KATNIP: variants seen among roughly 807,000 people sequenced by gnomAD.
KATNIP encodes the protein katanin interacting protein.
KATNIP carries 126 observed loss-of-function variants against 174.0 expected under a neutral mutation model. The observed-to-expected ratio is 0.72, with a 90% CI of 0.63 to 0.84. The LOEUF is 0.84. Ranked by LOEUF, KATNIP falls within the 40% of genes least tolerant of loss-of-function variation. KATNIP has a pLI of 0.00. For missense variants in KATNIP, 1,958 were observed against 2,109.7 expected (o/e 0.93, Z 1.41); for synonymous variants, 810 against 835.7 (o/e 0.97, Z 0.53).
At chr16:27,617,235 G>T (rs1596946471) in intron 2 of KATNIP, among the ~76,000 whole-genome samples, 1 of 152,118 alleles carries the variant, frequency 6.6e-6, no homozygotes, top group African/African-American at 2.4e-5. Flanking sequence ...ACTTCTTTAG[G>T]CATAGGTGAA....
chr16:27,641,510 C>G (rs2076797459), intron 5 of KATNIP, among the ~76,000 whole-genome samples: 1 of 152,024 alleles, frequency 6.6e-6, no homozygotes, highest in Non-Finnish European at 1.5e-5. Flanking sequence ...GGACTCAGTG[C>G]CATGTGAACC....
At chr16:27,680,471 A>G (rs2078291456) in intron 7 of KATNIP, among the ~76,000 whole-genome samples, 2 of 152,202 alleles carry the variant, frequency 1.3e-5, no homozygotes, top group Admixed American at 6.5e-5. Flanking sequence ...TTCGAGTGAT[A>G]CTGGGGCATA....
Position 27,740,032 on chromosome 16 carries a change from T to C in KATNIP, c.1744-9T>C. 2 of 1,602,874 alleles carry C rather than the reference T, an allele frequency of 1.2e-6. No homozygotes were observed. Among genetic ancestry groups the C allele is most frequent in the Non-Finnish European group, 8.5e-7 (1 of 1,173,242 alleles). ...TGCATCTTCACTTTGTTAAATCTTA[T>C]GGTTTCAGGATCTTGACATTGGTGC... On this transcript the variant is annotated splice_polypyrimidine_tract_variant and intron_variant, in intron 14 of 27. Coordinates refer to ENST00000261588, the MANE Select transcript of KATNIP (RefSeq NM_015202.5).
chr16:27,598,947 C>T (rs1345899566), intron 2 of KATNIP, among the ~76,000 whole-genome samples: 1 of 152,158 alleles, frequency 6.6e-6, no homozygotes, highest in Non-Finnish European at 1.5e-5. Context: ...GTCTTTGCAC[C>T]TTTGCCATTA....
chr16:27,743,373 A>G (rs942110707), intron 15 of KATNIP, among the ~76,000 whole-genome samples: 4 of 152,140 alleles, frequency 2.6e-5, no homozygotes, highest in Admixed American at 2.6e-4. Flanking sequence ...CATGTCACTT[A>G]GGGTACAGGA....
chr16:27,759,616 T>A (rs1330047792), intron 18 of KATNIP, among the ~76,000 whole-genome samples: 1 of 152,170 alleles, frequency 6.6e-6, no homozygotes, highest in Non-Finnish European at 1.5e-5. Context: ...ACCTAGGACA[T>A]CTTCACCCAC....
At chr16:27,725,284 T>C (rs574248077) in intron 14 of KATNIP, among the ~76,000 whole-genome samples, 5 of 152,334 alleles carry the variant, frequency 3.3e-5, no homozygotes, top group South Asian at 2.1e-4. Context: ...TCCCATCTTA[T>C]AGACGAAGAA....
At chr16:27,611,558 T>TA (rs2075892708) in intron 2 of KATNIP, among the ~76,000 whole-genome samples, 1 of 152,246 alleles carries the variant, frequency 6.6e-6, no homozygotes, top group African/African-American at 2.4e-5. Context: ...GGCGAAACTC[T>TA]GTCTCCTTCC....
At chr16:27,552,474 A>G (rs2089425168) in intron 1 of KATNIP, among the ~76,000 whole-genome samples, 1 of 150,668 alleles carries the variant, frequency 6.6e-6, no homozygotes, top group South Asian at 2.1e-4. Flanking sequence ...TGCTGGGTTC[A>G]AGCGATTCTC....
At chr16:27,741,934 C>G (rs772529353) in intron 15 of KATNIP, among the ~76,000 whole-genome samples, 2 of 151,896 alleles carry the variant, frequency 1.3e-5, no homozygotes, top group Non-Finnish European at 2.9e-5. Flanking sequence ...GCCACTGTAC[C>G]AGACCTCCTC....
At chr16:27,604,155 G>A (rs2075626275) in intron 2 of KATNIP, among the ~76,000 whole-genome samples, 1 of 152,076 alleles carries the variant, frequency 6.6e-6, no homozygotes, top group Non-Finnish European at 1.5e-5. Context: ...CTGGAGTAGA[G>A]TGGTGCAGTC....
intron 24 of KATNIP, among the ~76,000 whole-genome samples, chr16:27,775,372 T>C (rs2082459710): frequency 6.6e-6 from 1 of 152,236 alleles, no homozygotes; most frequent in South Asian, 2.1e-4. Flanking sequence ...TTGGGCGTCC[T>C]GGGTCCCTGC....
At position 27,779,194 on chromosome 16, in the gene KATNIP, GGGTCC is replaced by G. The variant is rs2082610285; in HGVS notation, c.*566_*570del. 1 of 152,552 alleles carries G rather than the reference GGGTCC, an allele frequency of 6.6e-6. No homozygotes were observed. Among genetic ancestry groups the G allele is most frequent in the African/African-American group, 2.4e-5 (1 of 41,454 alleles). 9.4% of individuals were successfully genotyped at this position (152,552 alleles called of 1,614,324 possible). ...GGTTGGGGTAGTTTCCTGGTTACAGGGGTCCACAAGACCCTCTCTCATCCCGGTAT... is the reference window on the plus strand; with the variant it reads ...GGTTGGGGTAGTTTCCTGGTTACAGGACAAGACCCTCTCTCATCCCGGTAT... On this transcript the variant is annotated 3_prime_UTR_variant, in exon 28 of 28. Coordinates refer to ENST00000261588, the MANE Select transcript of KATNIP (RefSeq NM_015202.5).
intron 1 of KATNIP, among the ~76,000 whole-genome samples, chr16:27,556,368 A>G (rs941411410): frequency 8.5e-5 from 13 of 152,204 alleles, no homozygotes; most frequent in Non-Finnish European, 1.8e-4. Flanking sequence ...CCTTTCTGTT[A>G]AAGTTGAATT....
intron 2 of KATNIP, among the ~76,000 whole-genome samples, chr16:27,583,092 C>A (rs776540983): frequency 3.9e-5 from 6 of 152,130 alleles, no homozygotes; most frequent in Non-Finnish European, 8.8e-5. Flanking sequence ...AACAACAGGG[C>A]CAAGACTCCA....
At chr16:27,764,364 A>G (rs2082057970) in intron 19 of KATNIP, among the ~76,000 whole-genome samples, 1 of 152,214 alleles carries the variant, frequency 6.6e-6, no homozygotes, top group African/African-American at 2.4e-5. Flanking sequence ...AATTCTTTGC[A>G]GTGTTTATCC....
chr16:27,691,623 CAT>C (rs1467790006), intron 8 of KATNIP, among the ~76,000 whole-genome samples: 1 of 152,202 alleles, frequency 6.6e-6, no homozygotes, highest in Non-Finnish European at 1.5e-5. Context: ...ACTGGGGCGC[CAT>C]GTAGGACGGT....
chr16:27,768,344 G>A (rs920914739), intron 20 of KATNIP, among the ~76,000 whole-genome samples: 3 of 152,168 alleles, frequency 2.0e-5, no homozygotes, highest in South Asian at 2.1e-4. Context: ...AGGTCACCTC[G>A]AAGGGAATGA....
intron 5 of KATNIP, among the ~76,000 whole-genome samples, chr16:27,641,511 C>CA (rs367900348): frequency 2.4e-4 from 36 of 152,190 alleles, no homozygotes; most frequent in African/African-American, 8.4e-4. Flanking sequence ...GACTCAGTGC[C>CA]ATGTGAACCT....
Sources: gnomAD v4.1 joint callset for allele counts (sites outside exome capture counted in the v4.1 genomes callset) on GRCh38, gnomAD v4.1.1 for gene constraint, MANE v1.5 for transcripts, NCBI Gene and HGNC (gene_info 2026-07-23, HGNC 2026-07-21) for gene names.